Variants in DYNC1I1 observed in about 807,000 individuals in gnomAD.
DYNC1I1 encodes cytoplasmic dynein 1 intermediate chain 1.
DYNC1I1 carries 43 observed loss-of-function variants against 86.6 expected under a neutral mutation model. The ratio of observed to expected loss-of-function variants is 0.50; its 90% CI spans 0.39 to 0.64. The LOEUF (loss-of-function observed/expected upper bound fraction) is 0.64, where lower values mean the gene tolerates loss of function less well. Ranked by LOEUF, DYNC1I1 falls within the 30% of genes least tolerant of loss-of-function variation. DYNC1I1 has a pLI of 0.00. For synonymous variants in DYNC1I1, 262 were observed against 283.7 expected (o/e 0.92, Z 0.77); for missense variants, 604 against 788.8 (o/e 0.77, Z 2.81).
chr7:96,051,067 G>C (rs1162457374), intron 14 of DYNC1I1, among the ~76,000 whole-genome samples: 3 of 152,126 alleles, frequency 2.0e-5, no homozygotes, highest in Non-Finnish European at 4.4e-5. Context: ...CACTCAGCTT[G>C]TCTGTTTGCT....
chr7:95,953,927 C>T (rs1222893132), intron 6 of DYNC1I1, among the ~76,000 whole-genome samples: 6 of 152,156 alleles, frequency 3.9e-5, no homozygotes, highest in Admixed American at 3.3e-4. Context: ...TGGTTCAACA[C>T]TTTGACCAGA....
At chr7:95,933,436 A>G (rs1401616151) in intron 6 of DYNC1I1, among the ~76,000 whole-genome samples, 1 of 152,190 alleles carries the variant, frequency 6.6e-6, no homozygotes, top group Non-Finnish European at 1.5e-5. Flanking sequence ...GATGTGTCTC[A>G]AAAGGGTTAA....
At chr7:95,966,204 T>G (rs1343768079) in intron 6 of DYNC1I1, among the ~76,000 whole-genome samples, 2 of 152,182 alleles carry the variant, frequency 1.3e-5, no homozygotes, top group African/African-American at 4.8e-5. Flanking sequence ...TGACCATAGG[T>G]CTGGTTTTCC....
At chr7:96,027,117 G>A (rs148728590) in intron 10 of DYNC1I1, among the ~76,000 whole-genome samples, 1 of 152,290 alleles carries the variant, frequency 6.6e-6, no homozygotes, top group Admixed American at 6.5e-5. Flanking sequence ...TGGACTGGTA[G>A]CCCATCTGTT....
chr7:95,851,097 G>T (rs1789565694), intron 5 of DYNC1I1, among the ~76,000 whole-genome samples: 2 of 120,812 alleles, frequency 1.7e-5, no homozygotes, highest in African/African-American at 5.2e-5. Flanking sequence ...TACACACCTG[G>T]CTAATTTTTT....
chr7:95,870,785 A>C (rs1790142508), intron 6 of DYNC1I1, among the ~76,000 whole-genome samples: 1 of 152,256 alleles, frequency 6.6e-6, no homozygotes, highest in Admixed American at 6.5e-5. Context: ...TACTTCCTAG[A>C]ATTCAAAACT....
intron 4 of DYNC1I1, among the ~76,000 whole-genome samples, chr7:95,826,448 A>C (rs1231889407): frequency 1.3e-5 from 2 of 152,222 alleles, no homozygotes; most frequent in Non-Finnish European, 2.9e-5. Context: ...CATGTGCTTT[A>C]TAGGTATACC....
chr7:95,843,124 C>A (rs553839831), intron 5 of DYNC1I1, among the ~76,000 whole-genome samples: 3 of 152,162 alleles, frequency 2.0e-5, no homozygotes, highest in South Asian at 2.1e-4. Context: ...GTTTGACTGG[C>A]GTGAACAGAA....
At chr7:95,954,915 CAAAAAAAA>C (rs58435060) in intron 6 of DYNC1I1, among the ~76,000 whole-genome samples, 5,638 of 81,968 alleles carry the variant, frequency 0.069, 391 homozygotes, top group African/African-American at 0.22. Flanking sequence ...GACTCTGTCT[CAAAAAAAA>C]AAAAAAAAAA....
chr7:95,839,556 C>T (rs1187434664), intron 5 of DYNC1I1, among the ~76,000 whole-genome samples: 2 of 152,050 alleles, frequency 1.3e-5, no homozygotes, highest in Admixed American at 6.5e-5. Context: ...ATTTTTAATT[C>T]ATTTGTCTTT....
chr7:96,084,292 T>C (rs1423770019), intron 16 of DYNC1I1, among the ~76,000 whole-genome samples: 1 of 145,400 alleles, frequency 6.9e-6, no homozygotes, highest in African/African-American at 2.6e-5. Context: ...AGAGTGTTAC[T>C]CTTAATGCCA....
intron 6 of DYNC1I1, 35 bp downstream of exon 6, chr7:95,870,033 C>G: frequency 1.9e-6 from 3 of 1,560,984 alleles, no homozygotes; most frequent in Non-Finnish European, 2.6e-6. Context: ...TCCATATTAT[C>G]TCTGGAGAAA....
intron 16 of DYNC1I1, among the ~76,000 whole-genome samples, chr7:96,108,879 A>AT (rs1476968308): frequency 6.6e-6 from 1 of 150,750 alleles, no homozygotes; most frequent in African/African-American, 2.4e-5. Context: ...AAAAAAAAAG[A>AT]TTTTTAAGCT....
At chr7:95,859,812 C>T (rs1789827512) in intron 5 of DYNC1I1, among the ~76,000 whole-genome samples, 1 of 152,140 alleles carries the variant, frequency 6.6e-6, no homozygotes, top group East Asian at 1.9e-4. Flanking sequence ...ACCAGGCTGG[C>T]ATCTAGGGTC....
intron 6 of DYNC1I1, among the ~76,000 whole-genome samples, chr7:95,968,488 T>G (rs1793075134): frequency 6.6e-6 from 1 of 152,278 alleles, no homozygotes; most frequent in African/African-American, 2.4e-5. Flanking sequence ...TTTTTTAAAC[T>G]AGTTAACATA....
intron 6 of DYNC1I1, among the ~76,000 whole-genome samples, chr7:95,957,699 G>T (rs1395871323): frequency 1.3e-5 from 2 of 152,208 alleles, no homozygotes; most frequent in African/African-American, 4.8e-5. Flanking sequence ...GGGAGGAGCA[G>T]TCGGAGCCAG....
At chr7:95,985,924 GT>G (rs1006565801) in intron 8 of DYNC1I1, among the ~76,000 whole-genome samples, 1 of 151,674 alleles carries the variant, frequency 6.6e-6, no homozygotes, top group African/African-American at 2.4e-5. Flanking sequence ...CAATCTTTGT[GT>G]TTTTTTGAAA....
chr7:95,989,937 A>T lies in DYNC1I1; in HGVS notation c.843+2782A>T, dbSNP rs992392225. 3.5e-4 allele frequency among the ~76,000 whole-genome samples: 54 copies of T among 152,156 alleles called. 1 individual carries two copies. The highest frequency in any genetic ancestry group is 3.5e-3 in the Admixed American group (53 of 15,272). On this transcript the variant is annotated intron_variant, in intron 9 of 16. Transcript: ENST00000447467. ...TTTTTGATGGATTTAGATGCAATCG[A>T]ATGATATTAAGAAAGAAGAGAGATA...
At chr7:96,032,803 A>G (rs1444229433) in intron 12 of DYNC1I1, 23 bp downstream of exon 12, 3 of 1,572,462 alleles carry the variant, frequency 1.9e-6, no homozygotes, top group African/African-American at 2.7e-5. Flanking sequence ...TTCCCTACAC[A>G]TAACACCATC....
Sources: allele counts gnomAD v4.1 joint callset (sites outside exome capture counted in the v4.1 genomes callset), GRCh38; gene constraint gnomAD v4.1.1; transcripts MANE v1.5; gene names NCBI Gene and HGNC (gene_info 2026-07-23, HGNC 2026-07-21).